SGCZ: variants seen among roughly 807,000 people sequenced by gnomAD.
The protein encoded by SGCZ is sarcoglycan zeta, also known as zeta-sarcoglycan.
In SGCZ, 40 loss-of-function variants were observed where a neutral mutation model predicts 41.3. The ratio of observed to expected loss-of-function variants is 0.97; its 90% confidence interval spans 0.75 to 1.26. The LOEUF (loss-of-function observed/expected upper bound fraction) is 1.26. Ranked by LOEUF, SGCZ falls within the 50% of genes most tolerant of loss-of-function variation. The pLI, the probability that SGCZ is intolerant of heterozygous loss-of-function variation, is 0.00. For synonymous variants in SGCZ, 206 were observed against 137.5 expected (o/e 1.50, Z -3.49); for missense variants, 552 against 369.8 (o/e 1.49, Z -4.04).
chr8:14,564,830 C>T (rs751161789), intron 1 of SGCZ, among the ~76,000 whole-genome samples: 3 of 152,136 alleles, frequency 2.0e-5, no homozygotes, highest in Admixed American at 2.0e-4. Context: ...TGAAACAATA[C>T]AGTAAAGCCT....
intron 2 of SGCZ, among the ~76,000 whole-genome samples, chr8:14,531,406 G>C (rs1293722465): frequency 6.6e-6 from 1 of 151,758 alleles, no homozygotes; most frequent in Non-Finnish European, 1.5e-5. Flanking sequence ...GAAACTCACT[G>C]AACTGCGGGA....
chr8:15,015,589 G>A (rs1197229993), intron 1 of SGCZ, among the ~76,000 whole-genome samples: 3 of 149,334 alleles, frequency 2.0e-5, no homozygotes, highest in African/African-American at 7.4e-5. Context: ...CGGAGAGGCT[G>A]AGGCAGGAGA....
intron 2 of SGCZ, among the ~76,000 whole-genome samples, chr8:14,325,946 A>G (rs1432497427): frequency 6.7e-6 from 1 of 148,668 alleles, no homozygotes; most frequent in Non-Finnish European, 1.5e-5. Context: ...CCCTGTCTCT[A>G]CTAAAAATAC....
chr8:14,660,935 G>A (rs1001077859), intron 1 of SGCZ, among the ~76,000 whole-genome samples: 9 of 152,076 alleles, frequency 5.9e-5, no homozygotes, highest in Non-Finnish European at 1.2e-4. Flanking sequence ...CAAATCTGAA[G>A]AATTTACTCA....
Position 15,094,192 on chromosome 8 carries a change from TG to T in SGCZ, c.39+143392del, listed in dbSNP as rs556161136. 8.8e-4 allele frequency among the ~76,000 whole-genome samples: 134 copies of T among 152,078 alleles called. 2 individuals carry two copies. The highest frequency in any genetic ancestry group is 3.2e-3 in the African/African-American group (134 of 41,482). On this transcript the variant is annotated intron_variant, in intron 1 of 7. Transcript: ENST00000382080. ...CTCTGTCGCCCAGGATGGCGTGGAG[TG>T]GTGTGATCTTGGCTCACTGCTAACT... is the stretch of plus-strand genomic sequence containing the variant.
intron 1 of SGCZ, among the ~76,000 whole-genome samples, chr8:14,818,572 T>C (rs1801975103): frequency 6.6e-6 from 1 of 152,044 alleles, no homozygotes; most frequent in Non-Finnish European, 1.5e-5. Flanking sequence ...AAGTCTCCAC[T>C]AACAGAACCC....
At position 14,305,780 on chromosome 8, in the gene SGCZ, C is replaced by T. The variant is rs189837546; in HGVS notation, c.336+18323G>A. Among the ~76,000 whole-genome samples the T allele has an allele frequency of 7.9e-5, 12 of 152,242 alleles. No homozygotes were observed. The South Asian group carries it at 8.3e-4, about 11-fold the overall frequency. ...GAATCAATTTCTTATCACTTAAATC[C>T]GGGCTCAACCTTGTAACTTGTATTG... On this transcript the variant is annotated intron_variant, in intron 3 of 7. Transcript: ENST00000382080.
intron 1 of SGCZ, among the ~76,000 whole-genome samples, chr8:15,188,813 G>C (rs912059507): frequency 6.6e-6 from 1 of 151,972 alleles, no homozygotes; most frequent in East Asian, 1.9e-4. Context: ...ATGTTGATTT[G>C]AGAATAAGAA....
At chr8:14,980,807 G>A (rs952020751) in intron 1 of SGCZ, among the ~76,000 whole-genome samples, 7 of 152,136 alleles carry the variant, frequency 4.6e-5, no homozygotes, top group Non-Finnish European at 7.4e-5. Flanking sequence ...AGATATGGGT[G>A]GGGACACAGA....
chr8:15,024,740 T>A (rs910605506), intron 1 of SGCZ, among the ~76,000 whole-genome samples: 4 of 151,882 alleles, frequency 2.6e-5, no homozygotes, highest in African/African-American at 9.7e-5. Context: ...ATCGAGACTG[T>A]CCTGGCTAAC....
chr8:14,183,051 T>A (rs1369318045), intron 4 of SGCZ, among the ~76,000 whole-genome samples: 6 of 151,450 alleles, frequency 4.0e-5, no homozygotes, highest in African/African-American at 1.5e-4. Context: ...TGTCGTAAAG[T>A]TGATTAAGAA....
chr8:14,249,796 T>C (rs898823102), intron 3 of SGCZ, among the ~76,000 whole-genome samples: 4 of 152,178 alleles, frequency 2.6e-5, no homozygotes. Context: ...GATTTCAAAC[T>C]TCTGACATTT....
At chr8:14,750,193 C>G (rs1237647814) in intron 1 of SGCZ, among the ~76,000 whole-genome samples, 2 of 151,846 alleles carry the variant, frequency 1.3e-5, no homozygotes, top group Non-Finnish European at 2.9e-5. Flanking sequence ...GAAACATAAG[C>G]AGATGGAAAC....
chr8:14,747,515 G>A (rs887406243), intron 1 of SGCZ, among the ~76,000 whole-genome samples: 1 of 152,026 alleles, frequency 6.6e-6, no homozygotes, highest in Non-Finnish European at 1.5e-5. Context: ...TTGAATGCAC[G>A]TAAAAAGTTT....
chr8:14,498,255 T>G (rs2117045712), intron 2 of SGCZ, among the ~76,000 whole-genome samples: 1 of 152,308 alleles, frequency 6.6e-6, no homozygotes. Flanking sequence ...ATTTTTATAG[T>G]TCTTCTAGAG....
chr8:14,589,531 A>C (rs11203632), intron 1 of SGCZ, among the ~76,000 whole-genome samples: 39 of 152,156 alleles, frequency 2.6e-4, no homozygotes, highest in African/African-American at 8.4e-4. Context: ...TGGTTCAGGC[A>C]GTCTTTCAAA....
At chr8:14,149,289 G>C (rs1448718268) in intron 5 of SGCZ, among the ~76,000 whole-genome samples, 1 of 152,020 alleles carries the variant, frequency 6.6e-6, no homozygotes, top group Admixed American at 6.6e-5. Flanking sequence ...AAAACCTCAA[G>C]ATTCCCCCCA....
chr8:14,461,871 G>A (rs1199144763), intron 2 of SGCZ, among the ~76,000 whole-genome samples: 5 of 152,026 alleles, frequency 3.3e-5, no homozygotes, highest in Admixed American at 2.0e-4. Flanking sequence ...CAATGCACAG[G>A]AGTTATTGAG....
intron 2 of SGCZ, among the ~76,000 whole-genome samples, chr8:14,409,302 T>A (rs958884120): frequency 6.6e-6 from 1 of 152,108 alleles, no homozygotes; most frequent in African/African-American, 2.4e-5. Context: ...CATGTATGTA[T>A]AGGAGGGGGC....
Sources: gnomAD v4.1 joint callset for allele counts (sites outside exome capture counted in the v4.1 genomes callset) on GRCh38, gnomAD v4.1.1 for gene constraint, MANE v1.5 for transcripts, NCBI Gene and HGNC (gene_info 2026-07-23, HGNC 2026-07-21) for gene names.